Variants in MAGI2 observed in about 807,000 individuals in gnomAD.
The protein encoded by MAGI2 is membrane-associated guanylate kinase, WW and PDZ domain-containing protein 2.
In MAGI2, 35 loss-of-function variants were observed where a neutral mutation model predicts 133.3. That is an observed-to-expected ratio of 0.26 (90% confidence interval 0.20 to 0.35). The LOEUF is 0.35. MAGI2 is among the 10% of genes least tolerant of loss of function. The probability of loss-of-function intolerance (pLI) is 1.00; values close to 1 mark genes in which losing one functional copy is unlikely to be tolerated. For missense variants in MAGI2, 1,636 were observed against 1,863.4 expected (o/e 0.88, Z 2.25); for synonymous variants, 729 against 710.6 (o/e 1.03, Z -0.41).
intron 6 of MAGI2, among the ~76,000 whole-genome samples, chr7:78,452,346 A>G (rs1221177429): frequency 6.6e-6 from 1 of 151,980 alleles, no homozygotes; most frequent in African/African-American, 2.4e-5. Flanking sequence ...CGGGGAAGTG[A>G]TAGTAGGAGC....
At chr7:79,417,969 G>A (rs1469490927) in intron 1 of MAGI2, among the ~76,000 whole-genome samples, 1 of 151,786 alleles carries the variant, frequency 6.6e-6, no homozygotes, top group Non-Finnish European at 1.5e-5. Context: ...AGCAATCTGA[G>A]GATATTCCAA....
chr7:78,868,248 T>G (rs562783671), intron 2 of MAGI2, among the ~76,000 whole-genome samples: 1 of 152,236 alleles, frequency 6.6e-6, no homozygotes, highest in South Asian at 2.1e-4. Flanking sequence ...TTAGAAACAA[T>G]GAAAATAACC....
intron 1 of MAGI2, among the ~76,000 whole-genome samples, chr7:79,089,822 A>ATC (rs1256642822): frequency 1.3e-5 from 2 of 152,200 alleles, no homozygotes; most frequent in East Asian, 3.9e-4. Flanking sequence ...GGAAGGGAAC[A>ATC]TCACACACTG....
At chr7:78,563,429 C>T (rs757113763) in intron 3 of MAGI2, among the ~76,000 whole-genome samples, 3 of 152,112 alleles carry the variant, frequency 2.0e-5, no homozygotes, top group Non-Finnish European at 4.4e-5. Flanking sequence ...AGCACTTGGC[C>T]ATTAGCTTTA....
chr7:79,158,502 G>C (rs890902748), intron 1 of MAGI2, among the ~76,000 whole-genome samples: 2 of 151,866 alleles, frequency 1.3e-5, no homozygotes, highest in Non-Finnish European at 2.9e-5. Flanking sequence ...GCATTTATTG[G>C]TCATGTGGTT....
Position 78,272,802 on chromosome 7 carries a change from C to T in MAGI2, c.1409-16221G>A, listed in dbSNP as rs145404530. Among the ~76,000 whole-genome samples the T allele has an allele frequency of 3.0e-3, 452 of 152,200 alleles. 2 individuals carry two copies. The highest frequency in any genetic ancestry group is 0.01 in the African/African-American group (421 of 41,506). On this transcript the variant is annotated intron_variant, in intron 9 of 21. Coordinates refer to ENST00000354212, the MANE Select transcript of MAGI2 (RefSeq NM_012301.4). ...GCTTTCCATTTGCTTGGTAAATATT[C>T]CTCCATCCCTTTATTTTGAGTCTAT... is the stretch of plus-strand genomic sequence containing the variant.
intron 21 of MAGI2, among the ~76,000 whole-genome samples, chr7:78,033,249 C>T (rs58142859): frequency 0.078 from 11,814 of 151,954 alleles, 653 homozygotes; most frequent in African/African-American, 0.16. Flanking sequence ...AAGGAGGACC[C>T]GGAGTTTTGT....
chr7:78,860,787 T>C (rs1794092319), intron 2 of MAGI2, among the ~76,000 whole-genome samples: 1 of 152,260 alleles, frequency 6.6e-6, no homozygotes, highest in Non-Finnish European at 1.5e-5. Flanking sequence ...GAGAGGGACA[T>C]TAAGTCTGCA....
intron 10 of MAGI2, among the ~76,000 whole-genome samples, chr7:78,242,270 G>T (rs892653951): frequency 6.6e-6 from 1 of 152,196 alleles, no homozygotes; most frequent in Admixed American, 6.5e-5. Context: ...GAGTTAGAGA[G>T]AGGACCCAGA....
intron 1 of MAGI2, among the ~76,000 whole-genome samples, chr7:79,320,758 G>GT: frequency 6.6e-6 from 1 of 152,132 alleles, no homozygotes; most frequent in East Asian, 1.9e-4. Flanking sequence ...CAAATATCAT[G>GT]TATCCATATG....
chr7:79,360,921 T>C (rs1842337243), intron 1 of MAGI2, among the ~76,000 whole-genome samples: 1 of 152,026 alleles, frequency 6.6e-6, no homozygotes, highest in African/African-American at 2.4e-5. Flanking sequence ...AAAATGAGGA[T>C]TGGTAGTGTG....
chr7:78,467,339 C>T (rs2192883), intron 6 of MAGI2, among the ~76,000 whole-genome samples: 42,429 of 151,878 alleles, frequency 0.28, 6,246 homozygotes, highest in Non-Finnish European at 0.33. Context: ...GTGGGCATGG[C>T]TGTCCCTGGT....
chr7:78,580,333 C>A (rs1802706321), intron 3 of MAGI2, among the ~76,000 whole-genome samples: 1 of 152,174 alleles, frequency 6.6e-6, no homozygotes, highest in Non-Finnish European at 1.5e-5. Context: ...GACTGGCCCT[C>A]TGTGCTACAG....
At chr7:78,739,534 C>T (rs1822191606) in intron 2 of MAGI2, among the ~76,000 whole-genome samples, 1 of 151,984 alleles carries the variant, frequency 6.6e-6, no homozygotes, top group Non-Finnish European at 1.5e-5. Context: ...TCATAAGTTG[C>T]CCATGTAGGA....
chr7:79,396,018 A>G (rs948783874), intron 1 of MAGI2, among the ~76,000 whole-genome samples: 1 of 152,164 alleles, frequency 6.6e-6, no homozygotes, highest in African/African-American at 2.4e-5. Context: ...TCTCTGTCCT[A>G]TAAGGCTGGG....
chr7:78,734,884 T>G lies in MAGI2; in HGVS notation c.419-107645A>C, dbSNP rs142984622. On this transcript the variant is annotated intron_variant, in intron 2 of 21. Transcript: ENST00000354212. The stretch of plus-strand genomic sequence containing the variant: ...AACCACTGAACTAAGCCCAGCCTAG[T>G]TCAGTGAACCCTGCACACATATGAG... Among the ~76,000 whole-genome samples, 8 of 152,306 alleles carry G rather than the reference T, an allele frequency of 5.3e-5. No homozygotes were observed. The East Asian group carries it at 1.5e-3, about 29-fold the overall frequency.
chr7:79,188,184 G>A (rs10236361), intron 1 of MAGI2, among the ~76,000 whole-genome samples: 4,585 of 151,758 alleles, frequency 0.03, 273 homozygotes, highest in African/African-American at 0.1. Context: ...GTAAACATGT[G>A]CCATGGTGGT....
chr7:79,051,157 C>T (rs1192973249), intron 1 of MAGI2, among the ~76,000 whole-genome samples: 1 of 152,146 alleles, frequency 6.6e-6, no homozygotes, highest in Admixed American at 6.6e-5. Flanking sequence ...TATTGAGATA[C>T]CTGGTCATAG....
chr7:79,232,734 C>CA, intron 1 of MAGI2, among the ~76,000 whole-genome samples: 1 of 128,046 alleles, frequency 7.8e-6, no homozygotes, highest in East Asian at 2.3e-4. Flanking sequence ...TTGATCCTTT[C>CA]AAAAAACCAG....
Sources: gnomAD v4.1 joint callset for allele counts (sites outside exome capture counted in the v4.1 genomes callset) on GRCh38, gnomAD v4.1.1 for gene constraint, MANE v1.5 for transcripts, NCBI Gene and HGNC (gene_info 2026-07-23, HGNC 2026-07-21) for gene names.